Variants in EWSR1 observed in about 807,000 individuals in gnomAD.
EWSR1 encodes the protein EWS RNA binding protein 1.
EWSR1 carries 14 observed loss-of-function variants against 92.1 expected under a neutral mutation model. That is an observed-to-expected ratio of 0.15 (90% confidence interval 0.10 to 0.24). EWSR1 has a LOEUF of 0.24. Among genes scored for constraint, EWSR1 ranks in the 10% least tolerant of loss-of-function variants. The probability of loss-of-function intolerance (pLI) is 1.00; values close to 1 mark genes in which losing one functional copy is unlikely to be tolerated. For synonymous variants in EWSR1, 303 were observed against 292.9 expected, an observed-to-expected ratio of 1.03 and a Z score of -0.35; for missense variants, 637 against 870.9, an observed-to-expected ratio of 0.73 and a Z score of 3.38.
intron 14 of EWSR1, 100 bp from the exon 15 acceptor site, chr22:29,299,134 T>G (rs1488717036): frequency 1.9e-6 from 3 of 1,602,010 alleles, no homozygotes; most frequent in East Asian, 4.5e-5. Context: ...TGTACATAGA[T>G]CCTCTTGATA....
chr22:29,292,448 A>G, intron 10 of EWSR1, 40 bp from the exon 11 acceptor site: 1 of 1,355,736 alleles, frequency 7.4e-7, no homozygotes, highest in Non-Finnish European at 1.1e-6. Flanking sequence ...ACCCCTATAG[A>G]TACATGATAA....
At chr22:29,295,681 A>G (rs1288678712) in intron 11 of EWSR1, 1 of 222,894 alleles carries the variant, frequency 4.5e-6, no homozygotes, top group Admixed American at 5.7e-5. Flanking sequence ...TATAATGCAA[A>G]AAAGTACACG....
At position 29,299,655 on chromosome 22, in the gene EWSR1, A is replaced by G. The variant is rs2061182863; in HGVS notation, c.1735A>G (p.Met579Val). ...GGMRGGRGGL[M>V]DRGGPGGMFR... ...CATGCGGGGAGGAAGAGGTGGCCTCATGGATCGTGGTGGTCCCGGTGGAAT... is the reference window on the plus strand; with the variant it reads ...CATGCGGGGAGGAAGAGGTGGCCTCGTGGATCGTGGTGGTCCCGGTGGAAT... The change falls in exon 16 of 17, where the codon ATG (methionine) becomes GTG (valine). Residue 579 changes from methionine to valine, a missense_variant. Around this residue, in one of 5 missense-constraint regions of EWSR1, gnomAD observed 363 missense variants for 447.8 expected, o/e 0.81. Transcript: ENST00000397938. 1 of 1,610,020 alleles carries G rather than the reference A, an allele frequency of 6.2e-7. No individual in the cohort carries two copies. Among genetic ancestry groups the G allele is most frequent in the Non-Finnish European group, 8.5e-7 (1 of 1,177,924 alleles).
At chr22:29,272,343 T>C (rs369885313) in intron 2 of EWSR1, 37 bp from the exon 3 acceptor site, 127 of 1,610,382 alleles carry the variant, frequency 7.9e-5, no homozygotes, top group Non-Finnish European at 1.0e-4. Flanking sequence ...TATTTGAATG[T>C]TCTCTATTCA....
intron 13 of EWSR1, 107 bp downstream of exon 13, chr22:29,298,056 C>T: frequency 8.3e-7 from 1 of 1,202,492 alleles, no homozygotes; most frequent in South Asian, 1.5e-5. Flanking sequence ...TGTGTAGAGT[C>T]AATACTAGAC....
chr22:29,269,858 C>T (rs926501759), intron 1 of EWSR1, among the ~76,000 whole-genome samples: 1 of 152,194 alleles, frequency 6.6e-6, no homozygotes, highest in Non-Finnish European at 1.5e-5. Context: ...CTGGACGTGC[C>T]TTTTTTCAGT....
In EWSR1 at chr22:29,299,267, A is replaced by C; in HGVS notation, c.1614A>C (p.Thr538=). ...GCGNQNFAWR[T]ECNQCKAPKP... ...GAAACCAGAACTTCGCCTGGAGAAC[A>C]GAGTGCAACCAGTGTAAGGCCCCAA... is the stretch of plus-strand genomic sequence containing the variant. Residue 538 remains threonine (T), a synonymous_variant, in exon 15 of 17, where the codon ACA becomes ACC. Coordinates refer to ENST00000397938, the MANE Select transcript of EWSR1 (RefSeq NM_005243.4). 1 of 1,614,076 alleles carries C rather than the reference A, an allele frequency of 6.2e-7. No individual in the cohort carries two copies. Among genetic ancestry groups the C allele is most frequent in the Non-Finnish European group, 8.5e-7 (1 of 1,179,962 alleles).
At position 29,295,337 on chromosome 22, in the gene EWSR1, A is replaced by G. The variant is rs192754482; in HGVS notation, c.1165-902A>G. ...ATAAAGATGTTAAAATAGATTTCCA[A>G]GCTGGATACAGTGGCTCACATGTGT... On this transcript the variant is annotated intron_variant, in intron 11 of 16. Transcript: ENST00000397938. Among the ~76,000 whole-genome samples, 12 of 152,288 alleles carry G rather than the reference A, an allele frequency of 7.9e-5. No individual in the cohort carries two copies. The East Asian group carries it at 1.7e-3, about 22-fold the overall frequency.
In EWSR1 at chr22:29,287,719, G is replaced by C. The variant is rs527677681; in HGVS notation, c.793+585G>C. Among the ~76,000 whole-genome samples, 41 of 152,326 alleles carry C rather than the reference G, an allele frequency of 2.7e-4. No individual in the cohort carries two copies. The South Asian group carries it at 8.3e-3, about 31-fold the overall frequency. Reference sequence around the variant, plus strand: ...AAAAATGTTTTAGACTGCTAGCCCTGCTGTCTTTGGGGAAGTTGTATGCAG... The same window carrying C: ...AAAAATGTTTTAGACTGCTAGCCCTCCTGTCTTTGGGGAAGTTGTATGCAG... On this transcript the variant is annotated intron_variant, in intron 7 of 16. Coordinates refer to ENST00000397938, the MANE Select transcript of EWSR1 (RefSeq NM_005243.4).
Position 29,300,287 on chromosome 22 carries a change from T to TAA in EWSR1, c.*126_*127insAA, listed in dbSNP as rs1339309523. The TAA allele has an allele frequency of 1.1e-6, 1 of 929,430 alleles. No homozygotes were observed. The allele number at this position is 929,430 out of a possible 1,614,324, so 57.6% of individuals were successfully genotyped here. On this transcript the variant is annotated 3_prime_UTR_variant, in exon 17 of 17. Transcript: ENST00000397938. ...ATTATGATTATTCCTTGTCTGTACT[T>TAA]TAGTATTTTTCACCATTTGTGAAGA...
intron 4 of EWSR1, chr22:29,275,914 C>CTGTTT (rs2059075024): frequency 4.5e-6 from 1 of 221,314 alleles, no homozygotes; most frequent in Non-Finnish European, 8.7e-6. Flanking sequence ...TGCCACTGGT[C>CTGTTT]TTTTGTTTTT....
chr22:29,297,975 C>T, intron 13 of EWSR1, 26 bp downstream of exon 13: 2 of 1,599,444 alleles, frequency 1.3e-6, no homozygotes, highest in Non-Finnish European at 1.7e-6. Flanking sequence ...TCCTATGTTG[C>T]ATTAAAAGGT....
In EWSR1 at chr22:29,300,235, T is replaced by G. The variant is rs2061244585; in HGVS notation, c.*74T>G. The G allele has an allele frequency of 7.2e-7, 1 of 1,391,858 alleles. No homozygotes were observed. 86.2% of individuals were successfully genotyped at this position (1,391,858 alleles called of 1,614,324 possible). A position where few individuals can be genotyped will look rare whatever the true frequency, so the allele number is the denominator to read the frequency against. ...ACCAGAAAATGTTTTAAATTTATAA[T>G]TCCATATTTATAATGTTGGCCACAA... On this transcript the variant is annotated 3_prime_UTR_variant, in exon 17 of 17. Transcript: ENST00000397938.
At chr22:29,290,166 A>G (rs974200444) in intron 8 of EWSR1, 3 of 380,958 alleles carry the variant, frequency 7.9e-6, no homozygotes, top group South Asian at 6.7e-5. Flanking sequence ...AGAAGAGACC[A>G]TGGCTTTCCC....
intron 5 of EWSR1, among the ~76,000 whole-genome samples, chr22:29,280,136 G>A (rs1056590762): frequency 2.6e-5 from 4 of 152,084 alleles, no homozygotes; most frequent in African/African-American, 9.7e-5. Flanking sequence ...AGGCTGGAGT[G>A]CAGTGGCGAG....
chr22:29,276,048 A>G (rs1362114074), intron 4 of EWSR1: 1 of 231,020 alleles, frequency 4.3e-6, no homozygotes, highest in East Asian at 6.1e-5. Flanking sequence ...CCCAGTGTCT[A>G]TTGCTGTAAT....
In EWSR1 at chr22:29,300,024, TAACC is replaced by T; in HGVS notation, c.1932-97_1932-94del. On this transcript the variant is annotated intron_variant, in intron 16 of 16. Transcript: ENST00000397938. ...AGGGCTTCCTCACCCCTTCCCATTC[TAACC>T]GATTGGGAGGAGCCAGGAAGGGGCA... is the stretch of plus-strand genomic sequence containing the variant. The T allele has an allele frequency of 5.9e-6, 3 of 512,318 alleles. 1 individual carries two copies. The highest frequency in any genetic ancestry group is 3.5e-4 in the East Asian group (2 of 5,736). The allele number at this position is 512,318 out of a possible 1,614,324, so 31.7% of individuals were successfully genotyped here.
At chr22:29,291,171 G>A (rs2147511749) in intron 8 of EWSR1, 1 of 253,504 alleles carries the variant, frequency 3.9e-6, no homozygotes, top group East Asian at 5.8e-5. Flanking sequence ...GGTTGAGGGT[G>A]CACCTTTATG....
In EWSR1 at chr22:29,286,893, T is replaced by A. The variant is rs746156438; in HGVS notation, c.582-30T>A. ...ATAACAAGCCTCTTTCTAAAAAAGC[T>A]TTTTTTTTTTTCTCTTCTCTCTCTT... On this transcript the variant is annotated intron_variant, in intron 6 of 16. Transcript: ENST00000397938. 1.6e-5 allele frequency: 8 copies of A among 491,878 alleles called. No individual in the cohort carries two copies. The South Asian group carries it at 3.1e-4, about 19-fold the overall frequency. The allele number at this position is 491,878 out of a possible 1,614,324, so 30.5% of individuals were successfully genotyped here. A position where few individuals can be genotyped will look rare whatever the true frequency, so the allele number is the denominator to read the frequency against.
Sources: gnomAD v4.1 joint callset for allele counts (sites outside exome capture counted in the v4.1 genomes callset) on GRCh38, gnomAD v4.1.1 for gene constraint, gnomAD v4.1.1 regional missense constraint, MANE v1.5 for transcripts, NCBI Gene and HGNC (gene_info 2026-07-23, HGNC 2026-07-21) for gene names.